The following YIPF6 variants were observed in gnomAD, a reference collection of about 807,000 sequenced individuals.
YIPF6 encodes the protein protein YIPF6.
YIPF6 carries 3 observed loss-of-function variants against 16.8 expected under a neutral mutation model. The observed-to-expected ratio is 0.18, with a 90% confidence interval of 0.08 to 0.46. The LOEUF (loss-of-function observed/expected upper bound fraction) is 0.46. Ranked by LOEUF, YIPF6 falls within the 20% of genes least tolerant of loss-of-function variation. The pLI is 0.98. For missense variants in YIPF6, 145 were observed against 184.9 expected, an observed-to-expected ratio of 0.78 and a Z score of 1.25; for synonymous variants, 67 against 61.9, an observed-to-expected ratio of 1.08 and a Z score of -0.38.
chrX:68,531,065 G>A (rs894105051), intron 6 of YIPF6, among the ~76,000 whole-genome samples: 2 of 111,202 alleles, frequency 1.8e-5, no homozygotes, highest in East Asian at 2.8e-4. Flanking sequence ...CCGAGTAGCC[G>A]AGATTACAGG....
intron 6 of YIPF6, among the ~76,000 whole-genome samples, chrX:68,525,610 G>A (rs1359501160): frequency 8.9e-6 from 1 of 111,874 alleles, no homozygotes; most frequent in Non-Finnish European, 1.9e-5. Context: ...GGGTTTTTAT[G>A]GTTTTAGGTG....
chrX:68,518,722 T>C, intron 3 of YIPF6, 48 bp from the exon 4 acceptor site: 1 of 1,164,954 alleles, frequency 8.6e-7, no homozygotes, highest in Non-Finnish European at 1.1e-6. Flanking sequence ...GATATTAGAA[T>C]AAAGACAGAA....
At chrX:68,520,582 C>T (rs1244718846) in intron 4 of YIPF6, among the ~76,000 whole-genome samples, 1 of 111,532 alleles carries the variant, frequency 9.0e-6, no homozygotes, top group African/African-American at 3.3e-5. Flanking sequence ...AGCGATTCTC[C>T]CAACTCAGCC....
At chrX:68,526,466 C>T (rs148025594) in intron 6 of YIPF6, among the ~76,000 whole-genome samples, 1 of 111,260 alleles carries the variant, frequency 9.0e-6, no homozygotes, top group African/African-American at 3.3e-5. Flanking sequence ...ATTTGAATAC[C>T]CTTTATTTCT....
intron 3 of YIPF6, chrX:68,513,924 T>C (rs1383894253): frequency 9.1e-6 from 1 of 109,611 alleles, no homozygotes; most frequent in African/African-American, 3.3e-5. Context: ...GCTTATTATA[T>C]TGTCCTCATC....
intron 1 of YIPF6, among the ~76,000 whole-genome samples, chrX:68,505,056 G>A (rs1303298823): frequency 8.9e-6 from 1 of 111,934 alleles, no homozygotes. Flanking sequence ...CTGAAAACAA[G>A]CAATCCTGGC....
At chrX:68,511,366 A>G (rs964316791) in intron 1 of YIPF6, among the ~76,000 whole-genome samples, 1 of 112,493 alleles carries the variant, frequency 8.9e-6, no homozygotes, top group African/African-American at 3.2e-5. Flanking sequence ...ATTGCCAGGT[A>G]ACCTGTAAAG....
At chrX:68,514,108 G>A (rs2079091890) in intron 3 of YIPF6, 1 of 106,448 alleles carries the variant, frequency 9.4e-6, no homozygotes, top group Non-Finnish European at 1.9e-5. Context: ...GCACAAGCCT[G>A]TAGTCCTAGC....
intron 6 of YIPF6, among the ~76,000 whole-genome samples, chrX:68,527,180 C>T (rs966272859): frequency 1.8e-5 from 2 of 111,646 alleles, no homozygotes; most frequent in African/African-American, 3.3e-5. Flanking sequence ...AGGGATTCGA[C>T]GTCTTCCTGG....
In YIPF6 at chrX:68,523,315, T is replaced by A. The variant is rs1485578163; in HGVS notation, c.592+398T>A. On this transcript the variant is annotated intron_variant, in intron 6 of 6. Coordinates refer to ENST00000462683, the MANE Select transcript of YIPF6 (RefSeq NM_173834.4). ...AAAGGCCAGGCACTGTTTAAGTGCT[T>A]TATATATATTATCCCATTTAAGCCT... Among the ~76,000 whole-genome samples the A allele has an allele frequency of 7.2e-5, 8 of 111,669 alleles. No individual in the cohort carries two copies. The Admixed American group carries it at 7.7e-4, about 11-fold the overall frequency.
rs986190529 is a variant in YIPF6 at position 68,536,502 on chromosome X, C to T, written c.*4503C>T. On this transcript the variant is annotated 3_prime_UTR_variant, in exon 7 of 7. Coordinates refer to ENST00000462683, the MANE Select transcript of YIPF6 (RefSeq NM_173834.4). ...TTATGTACCTGAAATGAATACACCCCTCCCCCAAGGTATTTTCCCTATTGT... is the reference window on the plus strand; with the variant it reads ...TTATGTACCTGAAATGAATACACCCTTCCCCCAAGGTATTTTCCCTATTGT... 1 of 110,480 alleles carries T rather than the reference C, an allele frequency of 9.1e-6. No individual in the cohort carries two copies. Among genetic ancestry groups the T allele is most frequent in the Non-Finnish European group, 1.9e-5 (1 of 52,785 alleles). 9.1% of individuals were successfully genotyped at this position (110,480 alleles called of 1,213,427 possible). A position where few individuals can be genotyped will look rare whatever the true frequency, so the allele number is the denominator to read the frequency against.
chrX:68,528,782 T>A, intron 6 of YIPF6, among the ~76,000 whole-genome samples: 1 of 112,013 alleles, frequency 8.9e-6, no homozygotes, highest in Non-Finnish European at 1.9e-5. Context: ...TTGAGAATTC[T>A]TTTCTTTAAG....
chrX:68,507,845 C>T (rs2079065767), intron 1 of YIPF6, among the ~76,000 whole-genome samples: 1 of 110,700 alleles, frequency 9.0e-6, no homozygotes, highest in Non-Finnish European at 1.9e-5. Flanking sequence ...CTCAGGTGAT[C>T]CACCTGCCTC....
rs1268554039 is a variant in YIPF6 at position 68,532,025 on chromosome X, G to T, written c.*26G>T. On this transcript the variant is annotated 3_prime_UTR_variant, in exon 7 of 7. Transcript: ENST00000462683. ...ATCAGGAATGGGAAATTAAAAACCA[G>T]TGAATTGAAAGCACATCTGAAAGAT... The T allele has an allele frequency of 9.2e-7, 1 of 1,087,761 alleles. No individual in the cohort carries two copies. The highest frequency in any genetic ancestry group is 2.3e-5 in the Admixed American group (1 of 44,268). The allele number at this position is 1,087,761 out of a possible 1,213,427, so 89.6% of individuals were successfully genotyped here. A position where few individuals can be genotyped will look rare whatever the true frequency, so the allele number is the denominator to read the frequency against.
At chrX:68,519,873 G>T (rs184137639) in intron 4 of YIPF6, among the ~76,000 whole-genome samples, 1 of 111,503 alleles carries the variant, frequency 9.0e-6, no homozygotes, top group East Asian at 2.8e-4. Flanking sequence ...TTGATGGAGG[G>T]GTTTATATTA....
At chrX:68,507,049 C>T (rs962276885) in intron 1 of YIPF6, among the ~76,000 whole-genome samples, 5 of 112,327 alleles carry the variant, frequency 4.5e-5, no homozygotes, top group African/African-American at 1.6e-4. Context: ...TAAAAATTGG[C>T]CCACTGCCTG....
chrX:68,502,738 G>C (rs2079045201), intron 1 of YIPF6, among the ~76,000 whole-genome samples: 1 of 111,108 alleles, frequency 9.0e-6, no homozygotes, highest in Admixed American at 9.7e-5. Context: ...GGAGTCATCT[G>C]CACAGGGTTA....
intron 3 of YIPF6, among the ~76,000 whole-genome samples, chrX:68,515,764 G>A (rs754701366): frequency 2.4e-4 from 27 of 110,341 alleles, no homozygotes; most frequent in African/African-American, 7.9e-4. Flanking sequence ...AAACTTCTAG[G>A]CTCAAGCCAT....
intron 6 of YIPF6, among the ~76,000 whole-genome samples, chrX:68,526,155 T>C (rs780505335): frequency 4.4e-4 from 49 of 111,886 alleles, no homozygotes; most frequent in Non-Finnish European, 7.5e-4. Context: ...TTCTCTCTTA[T>C]GTCCTTGAGC....
Sources: gnomAD v4.1 joint callset for allele counts (sites outside exome capture counted in the v4.1 genomes callset) on GRCh38, gnomAD v4.1.1 for gene constraint, MANE v1.5 for transcripts, NCBI Gene and HGNC (gene_info 2026-07-23, HGNC 2026-07-21) for gene names.